TRIM14: variants seen among roughly 807,000 people sequenced by gnomAD.
TRIM14 encodes the protein tripartite motif containing 14.
In TRIM14, 28 loss-of-function variants were observed where a neutral mutation model predicts 44.5. The observed-to-expected ratio is 0.63, with a 90% confidence interval of 0.47 to 0.86. The LOEUF (loss-of-function observed/expected upper bound fraction) is 0.86. TRIM14 is among the 40% of genes least tolerant of loss of function. The pLI is 0.00. For missense variants in TRIM14, 607 were observed against 611.1 expected, an observed-to-expected ratio of 0.99 and a Z score of 0.07; for synonymous variants, 299 against 269.2, an observed-to-expected ratio of 1.11 and a Z score of -1.08.
chr9:98,098,563 T>C (rs1036181359), intron 3 of TRIM14, among the ~76,000 whole-genome samples: 2 of 151,708 alleles, frequency 1.3e-5, no homozygotes, highest in Non-Finnish European at 2.9e-5. Context: ...ATACAAAAAA[T>C]TAGCTGGGCG....
intron 4 of TRIM14, 121 bp downstream of exon 4, chr9:98,094,746 G>T (rs561588752): frequency 1.9e-5 from 23 of 1,230,776 alleles, no homozygotes; most frequent in African/African-American, 6.0e-5. Flanking sequence ...GCCCCTGACC[G>T]CCCAGCCAAG....
At chr9:98,089,734 G>C (rs1231737438) in intron 5 of TRIM14, among the ~76,000 whole-genome samples, 1 of 152,096 alleles carries the variant, frequency 6.6e-6, no homozygotes, top group African/African-American at 2.4e-5. Context: ...TCAACCACTT[G>C]GTAGAAAACG....
chr9:98,038,512 G>T, the TRIM14 span, among the ~76,000 whole-genome samples: 13 of 152,160 alleles, frequency 8.5e-5, no homozygotes, highest in Non-Finnish European at 1.5e-5. Context: ...GTAAGACAAA[G>T]TACTACGTTA....
In TRIM14 at chr9:98,073,271, C is replaced by CTTTTTTT. The variant is rs10606237; in HGVS notation, c.*29-3591_*29-3585dup. On this transcript the variant is annotated intron_variant, in intron 6 of 6. Transcript: ENST00000375098. ...GTTCTCCCCAGCTCATCACCATGGG[C>CTTTTTTT]TTTTTTTTTTTTTTTTTTTTTTTTT... Among the ~76,000 whole-genome samples the CTTTTTTT allele has an allele frequency of 1.3e-3, 73 of 57,842 alleles. 7 individuals are homozygous for CTTTTTTT. Among genetic ancestry groups the CTTTTTTT allele is most frequent in the East Asian group, 2.8e-3 (4 of 1,448 alleles). The allele number at this position is 57,842 out of a possible 152,430, so 37.9% of individuals were successfully genotyped here.
chr9:98,086,558 C>G lies in TRIM14; in HGVS notation c.*912G>C, dbSNP rs1202282028. 3 of 152,218 alleles carry G rather than the reference C, an allele frequency of 2.0e-5. No homozygotes were observed. Among genetic ancestry groups the G allele is most frequent in the Non-Finnish European group, 2.9e-5 (2 of 68,064 alleles). 9.4% of individuals were successfully genotyped at this position (152,218 alleles called of 1,614,324 possible). A position where few individuals can be genotyped will look rare whatever the true frequency, so the allele number is the denominator to read the frequency against. On this transcript the variant is annotated 3_prime_UTR_variant, in exon 6 of 6. Coordinates refer to ENST00000341469, the MANE Select transcript of TRIM14 (RefSeq NM_014788.4). ...AAAGCCTCCAATTTAGTTGGAAAGA[C>G]AGGTCCCAGATTTGTGGCTCTGATA... is the stretch of plus-strand genomic sequence containing the variant.
At chr9:98,050,528 A>G in the TRIM14 span, among the ~76,000 whole-genome samples, 1 of 152,154 alleles carries the variant, frequency 6.6e-6, no homozygotes, top group Non-Finnish European at 1.5e-5. Context: ...TAGTATTGCT[A>G]TGTCACATTT....
chr9:98,040,421 C>T, the TRIM14 span, among the ~76,000 whole-genome samples: 87 of 151,988 alleles, frequency 5.7e-4, no homozygotes, highest in African/African-American at 1.9e-3. Context: ...TTGTGGGCCT[C>T]GCCTCCTCAG....
chr9:98,094,499 C>T (rs761898527), intron 4 of TRIM14, among the ~76,000 whole-genome samples: 3 of 152,070 alleles, frequency 2.0e-5, no homozygotes, highest in Non-Finnish European at 2.9e-5. Context: ...CCCAGGTGGG[C>T]GCAGCTGTGC....
In TRIM14 at chr9:98,109,987, G is replaced by C. The variant is rs1223362623; in HGVS notation, c.208-3C>G. On this transcript the variant is annotated splice_polypyrimidine_tract_variant and splice_region_variant and intron_variant, in intron 1 of 5. Coordinates refer to ENST00000341469, the MANE Select transcript of TRIM14 (RefSeq NM_014788.4). ...TTTAAACATTCTTGGCTGAGTTTCT[G>C]TACAGGAGGGAGTTAGGAAAAAAGT... is the stretch of plus-strand genomic sequence containing the variant. 6.2e-7 allele frequency: 1 copy of C among 1,613,060 alleles called. No homozygotes were observed. Among genetic ancestry groups the C allele is most frequent in the Non-Finnish European group, 8.5e-7 (1 of 1,179,194 alleles).
At chr9:98,062,950 T>G in the TRIM14 span, among the ~76,000 whole-genome samples, 2 of 152,032 alleles carry the variant, frequency 1.3e-5, no homozygotes, top group Non-Finnish European at 2.9e-5. Context: ...TTATTTTATT[T>G]TTTTGAGATG....
the TRIM14 span, chr9:98,056,938 A>G: frequency 6.3e-7 from 1 of 1,587,776 alleles, no homozygotes; most frequent in South Asian, 1.1e-5. Flanking sequence ...CCGCATGGCC[A>G]AGGTGAGGCG....
chr9:98,062,901 A>C, the TRIM14 span, among the ~76,000 whole-genome samples: 1 of 149,392 alleles, frequency 6.7e-6, no homozygotes, highest in Middle Eastern at 3.6e-3. Context: ...TTCAAAGTTT[A>C]AAATTAAAAA....
downstream of TRIM14, among the ~76,000 whole-genome samples, chr9:98,068,330 G>C (rs1829210004): frequency 6.6e-6 from 1 of 151,740 alleles, no homozygotes; most frequent in Non-Finnish European, 1.5e-5. Flanking sequence ...GGTAGAGATG[G>C]AGTTTCACCT....
chr9:98,082,336 T>TATG (rs2118055929), downstream of TRIM14, among the ~76,000 whole-genome samples: 1 of 152,300 alleles, frequency 6.6e-6, no homozygotes, highest in Admixed American at 6.5e-5. Context: ...ATCCCTATGT[T>TATG]ATGTTTCATC....
intron 3 of TRIM14, among the ~76,000 whole-genome samples, chr9:98,098,951 T>C (rs963602176): frequency 2.0e-5 from 3 of 152,052 alleles, no homozygotes; most frequent in Non-Finnish European, 4.4e-5. Context: ...TTTGTATTTT[T>C]AGTAGAGAGG....
At chr9:98,055,574 C>A in the TRIM14 span, among the ~76,000 whole-genome samples, 1 of 152,054 alleles carries the variant, frequency 6.6e-6, no homozygotes, top group African/African-American at 2.4e-5. Flanking sequence ...GATGTTATCC[C>A]CAGGAGCAAT....
At chr9:98,066,361 T>A (rs897744761), downstream of TRIM14, among the ~76,000 whole-genome samples, 11 of 152,266 alleles carry the variant, frequency 7.2e-5, no homozygotes, top group African/African-American at 2.6e-4. Flanking sequence ...CACAAGTATA[T>A]AGTGGAGTTT....
chr9:98,108,300 A>G (rs937008162), intron 2 of TRIM14, among the ~76,000 whole-genome samples: 6 of 152,176 alleles, frequency 3.9e-5, no homozygotes, highest in African/African-American at 1.2e-4. Flanking sequence ...AGCTTATCCA[A>G]CCTGCAGCCT....
the TRIM14 span, among the ~76,000 whole-genome samples, chr9:98,045,469 C>G: frequency 6.6e-6 from 1 of 152,190 alleles, no homozygotes; most frequent in South Asian, 2.1e-4. Context: ...CAAATGTAGC[C>G]AACTGTTTGA....
Sources: gnomAD v4.1 joint callset for allele counts (sites outside exome capture counted in the v4.1 genomes callset) on GRCh38, gnomAD v4.1.1 for gene constraint, MANE v1.5 for transcripts, NCBI Gene and HGNC (gene_info 2026-07-23, HGNC 2026-07-21) for gene names.